The following TOX variants were observed in gnomAD, a reference collection of about 807,000 sequenced individuals.
The protein encoded by TOX is thymocyte selection associated high mobility group box.
TOX carries 11 observed loss-of-function variants against 53.7 expected under a neutral mutation model. That is an observed-to-expected ratio of 0.20 (90% confidence interval 0.13 to 0.34). The LOEUF (loss-of-function observed/expected upper bound fraction) is 0.34. TOX is among the 10% of genes least tolerant of loss of function. The pLI, the probability that TOX is intolerant of heterozygous loss-of-function variation, is 1.00. For synonymous variants in TOX, 225 were observed against 245.3 expected, an observed-to-expected ratio of 0.92 and a Z score of 0.77; for missense variants, 570 against 664.6, an observed-to-expected ratio of 0.86 and a Z score of 1.56.
intron 1 of TOX, among the ~76,000 whole-genome samples, chr8:59,064,538 A>G (rs1804052343): frequency 6.6e-6 from 1 of 152,256 alleles, no homozygotes; most frequent in Admixed American, 6.5e-5. Flanking sequence ...TTAGCATATA[A>G]TTCTAGAAAT....
chr8:58,956,812 C>T (rs773566194), intron 2 of TOX, among the ~76,000 whole-genome samples: 43 of 152,132 alleles, frequency 2.8e-4, no homozygotes, highest in Non-Finnish European at 1.0e-4. Flanking sequence ...GACAGGGTTT[C>T]GCCATGTTGG....
At chr8:58,810,712 AAAG>A (rs1810062895) in intron 7 of TOX, among the ~76,000 whole-genome samples, 1 of 152,166 alleles carries the variant, frequency 6.6e-6, no homozygotes, top group Admixed American at 6.5e-5. Context: ...AAGTCTCAAA[AAAG>A]AAGTAGTCGA....
intron 3 of TOX, among the ~76,000 whole-genome samples, chr8:58,883,819 C>T (rs948282233): frequency 3.9e-5 from 6 of 151,966 alleles, no homozygotes; most frequent in Non-Finnish European, 5.9e-5. Flanking sequence ...ATATGATTGA[C>T]TTGAAAAATA....
At chr8:59,036,587 A>G (rs975881840) in intron 1 of TOX, among the ~76,000 whole-genome samples, 1 of 152,218 alleles carries the variant, frequency 6.6e-6, no homozygotes, top group Non-Finnish European at 1.5e-5. Context: ...TCTATGTGTA[A>G]TGGTGAGGCT....
intron 1 of TOX, among the ~76,000 whole-genome samples, chr8:59,081,020 TTTG>T (rs1804396411): frequency 6.6e-6 from 1 of 152,016 alleles, no homozygotes; most frequent in Admixed American, 6.6e-5. Context: ...AGGTTTTGTT[TTTG>T]TTGTTGTTTT....
At chr8:58,949,684 G>T (rs921018434) in intron 2 of TOX, among the ~76,000 whole-genome samples, 3 of 152,032 alleles carry the variant, frequency 2.0e-5, no homozygotes, top group Admixed American at 6.5e-5. Flanking sequence ...ATCATGTGCA[G>T]CCTTTAAGTT....
At chr8:58,910,901 G>A (rs1811898899) in intron 3 of TOX, among the ~76,000 whole-genome samples, 1 of 152,248 alleles carries the variant, frequency 6.6e-6, no homozygotes, top group Non-Finnish European at 1.5e-5. Context: ...GGTCAAATGA[G>A]GCTAGAGATC....
intron 1 of TOX, among the ~76,000 whole-genome samples, chr8:59,019,270 C>T (rs1814075934): frequency 6.6e-6 from 1 of 152,092 alleles, no homozygotes; most frequent in Non-Finnish European, 1.5e-5. Context: ...TAGTATTCTT[C>T]AGGGTATCAT....
At chr8:58,937,529 G>GA (rs1179233277) in intron 3 of TOX, among the ~76,000 whole-genome samples, 2 of 152,120 alleles carry the variant, frequency 1.3e-5, no homozygotes, top group African/African-American at 4.8e-5. Flanking sequence ...AGCAAATCTG[G>GA]AAAAAATCTC....
chr8:58,880,453 A>G (rs954050137), intron 3 of TOX, among the ~76,000 whole-genome samples: 2 of 152,234 alleles, frequency 1.3e-5, no homozygotes, highest in African/African-American at 4.8e-5. Flanking sequence ...TTAGCTGGAA[A>G]GAGTTTTAAT....
chr8:59,015,608 A>G (rs1813993597), intron 1 of TOX, among the ~76,000 whole-genome samples: 1 of 152,196 alleles, frequency 6.6e-6, no homozygotes, highest in South Asian at 2.1e-4. Flanking sequence ...TATTACTTAA[A>G]AAAGAAATGA....
chr8:59,049,917 C>T lies in TOX; in HGVS notation c.102+68969G>A, dbSNP rs116215708. ...GAGTGGAGTGGCGGGGGTTTCTATA[C>T]TAAGCAGGCTTTGAAAATTAAAAGC... On this transcript the variant is annotated intron_variant, in intron 1 of 8. Coordinates refer to ENST00000361421, the MANE Select transcript of TOX (RefSeq NM_014729.3). Among the ~76,000 whole-genome samples, 545 of 152,108 alleles carry T rather than the reference C, an allele frequency of 3.6e-3. 5 individuals carry two copies. Among genetic ancestry groups the T allele is most frequent in the African/African-American group, 0.013 (529 of 41,512 alleles).
intron 5 of TOX, among the ~76,000 whole-genome samples, chr8:58,829,139 G>T (rs1365635712): frequency 5.9e-5 from 9 of 151,946 alleles, no homozygotes; most frequent in Non-Finnish European, 1.0e-4. Context: ...TTCTTTCATT[G>T]GTTTCTACTG....
chr8:59,079,046 G>A (rs1436450722), intron 1 of TOX, among the ~76,000 whole-genome samples: 1 of 152,168 alleles, frequency 6.6e-6, no homozygotes, highest in African/African-American at 2.4e-5. Context: ...GTATCTGGTG[G>A]AAGAAATTTC....
At chr8:58,830,635 T>C (rs1810437780) in intron 5 of TOX, among the ~76,000 whole-genome samples, 1 of 152,182 alleles carries the variant, frequency 6.6e-6, no homozygotes. Context: ...AGCAAAATCT[T>C]ATAAATACCA....
chr8:58,814,927 T>C (rs1199553510), intron 7 of TOX, among the ~76,000 whole-genome samples: 1 of 152,234 alleles, frequency 6.6e-6, no homozygotes, highest in Non-Finnish European at 1.5e-5. Flanking sequence ...CAGTCAAGAC[T>C]TTCTCATCTC....
intron 2 of TOX, among the ~76,000 whole-genome samples, chr8:58,951,948 A>G (rs1812628972): frequency 6.6e-6 from 1 of 152,362 alleles, no homozygotes; most frequent in East Asian, 1.9e-4. Flanking sequence ...ACTGTAAAAT[A>G]ATATAGATCA....
chr8:58,918,793 T>A (rs1249074894), intron 3 of TOX, among the ~76,000 whole-genome samples: 7 of 121,078 alleles, frequency 5.8e-5, no homozygotes. Context: ...CATGATTGTT[T>A]ATCTAGAAAA....
At chr8:58,930,208 C>T (rs1201252130) in intron 3 of TOX, among the ~76,000 whole-genome samples, 1 of 152,042 alleles carries the variant, frequency 6.6e-6, no homozygotes, top group Non-Finnish European at 1.5e-5. Flanking sequence ...AGTGTCAGCC[C>T]AAAAAGCAAT....
Sources: allele counts gnomAD v4.1 joint callset (sites outside exome capture counted in the v4.1 genomes callset), GRCh38; gene constraint gnomAD v4.1.1; transcripts MANE v1.5; gene names NCBI Gene and HGNC (gene_info 2026-07-23, HGNC 2026-07-21).